OSBPL8: variants seen among roughly 807,000 people sequenced by gnomAD.
OSBPL8 encodes the protein oxysterol-binding protein-related protein 8.
In OSBPL8, 59 loss-of-function variants were observed where a neutral mutation model predicts 125.5. The observed-to-expected ratio is 0.47, with a 90% CI of 0.38 to 0.58. The LOEUF (loss-of-function observed/expected upper bound fraction) is 0.58, where lower values mean the gene tolerates loss of function less well. Ranked by LOEUF, OSBPL8 falls within the 20% of genes least tolerant of loss-of-function variation. The probability of loss-of-function intolerance (pLI) is 0.00; values close to 1 mark genes in which losing one functional copy is unlikely to be tolerated. For synonymous variants in OSBPL8, 330 were observed against 338.9 expected (o/e 0.97, Z 0.29); for missense variants, 758 against 1,047.8 (o/e 0.72, Z 3.82).
rs185697475 is a variant in OSBPL8 at position 76,537,235 on chromosome 12, C to A, written c.-68+22162G>T. On this transcript the variant is annotated intron_variant, in intron 1 of 23. Transcript: ENST00000261183. ...ATCTGCCCAAGTAACTAATCAGCTA[C>A]AACAAGAATTATTTCATAGCATACT... 6.5e-3 allele frequency among the ~76,000 whole-genome samples: 996 copies of A among 152,118 alleles called. 6 individuals carry two copies. Among genetic ancestry groups the A allele is most frequent in the Middle Eastern group, 0.037 (11 of 294 alleles).
intron 4 of OSBPL8, among the ~76,000 whole-genome samples, chr12:76,443,409 G>A (rs2136674367): frequency 6.6e-6 from 1 of 152,266 alleles, no homozygotes; most frequent in South Asian, 2.1e-4. Flanking sequence ...TTGCCCATGA[G>A]ATGAGCTATA....
chr12:76,481,982 T>C (rs1408825534), intron 2 of OSBPL8, among the ~76,000 whole-genome samples: 1 of 152,220 alleles, frequency 6.6e-6, no homozygotes. Context: ...TCACCTAGTA[T>C]GTAAAAATCA....
intron 1 of OSBPL8, among the ~76,000 whole-genome samples, chr12:76,488,488 C>G (rs557387390): frequency 6.6e-6 from 1 of 152,252 alleles, no homozygotes; most frequent in Admixed American, 6.5e-5. Context: ...GTAAGTCTAT[C>G]GGTACTTTTC....
chr12:76,548,678 A>C (rs1565989881), intron 1 of OSBPL8, among the ~76,000 whole-genome samples: 1 of 152,226 alleles, frequency 6.6e-6, no homozygotes, highest in East Asian at 1.9e-4. Flanking sequence ...ACCCTAAAAC[A>C]ATCTGCCAAG....
At chr12:76,403,314 C>G (rs1954127630) in intron 5 of OSBPL8, among the ~76,000 whole-genome samples, 1 of 152,186 alleles carries the variant, frequency 6.6e-6, no homozygotes, top group Non-Finnish European at 1.5e-5. Context: ...AGTAGGATTT[C>G]CTCACTAAAT....
At chr12:76,533,645 G>A (rs538136028) in intron 1 of OSBPL8, among the ~76,000 whole-genome samples, 9 of 152,182 alleles carry the variant, frequency 5.9e-5, no homozygotes, top group East Asian at 3.9e-4. Flanking sequence ...AAACTCAAGC[G>A]CTCAGAAATG....
intron 1 of OSBPL8, among the ~76,000 whole-genome samples, chr12:76,554,650 A>G (rs1394719392): frequency 6.6e-6 from 1 of 152,256 alleles, no homozygotes; most frequent in Non-Finnish European, 1.5e-5. Context: ...GGTATATAGC[A>G]GTTGACGCAC....
intron 1 of OSBPL8, among the ~76,000 whole-genome samples, chr12:76,497,360 T>C (rs11114262): frequency 0.041 from 6,312 of 152,272 alleles, 433 homozygotes; most frequent in African/African-American, 0.14. Flanking sequence ...TTTACAAAAA[T>C]AGGAGTAGAG....
chr12:76,355,112 A>G lies in OSBPL8; in HGVS notation c.*777T>C, dbSNP rs920292108. The stretch of plus-strand genomic sequence containing the variant: ...AACAAAAATAAGACAAAAGGACAGC[A>G]ATCAATTTTGACCACACTTTTTTCA... On this transcript the variant is annotated 3_prime_UTR_variant, in exon 24 of 24. Transcript: ENST00000261183. The G allele has an allele frequency of 5.9e-5, 9 of 152,530 alleles. No homozygotes were observed. The highest frequency in any genetic ancestry group is 1.3e-4 in the Non-Finnish European group (9 of 67,930). 9.4% of individuals were successfully genotyped at this position (152,530 alleles called of 1,614,324 possible). A position where few individuals can be genotyped will look rare whatever the true frequency, so the allele number is the denominator to read the frequency against.
chr12:76,356,766 A>C (rs774198660), intron 22 of OSBPL8, 38 bp from the exon 23 acceptor site: 4 of 1,379,082 alleles, frequency 2.9e-6, no homozygotes, highest in Non-Finnish European at 4.1e-6. Context: ...AACTATAAAA[A>C]TAATCTACAG....
chr12:76,419,431 T>C (rs1337317160), intron 4 of OSBPL8, among the ~76,000 whole-genome samples: 2 of 152,044 alleles, frequency 1.3e-5, no homozygotes, highest in Admixed American at 6.6e-5. Flanking sequence ...TACAGTAAAA[T>C]AACTGCTTAT....
rs553286117 is a variant in OSBPL8 at position 76,378,286 on chromosome 12, A to G, written c.1729+166T>C. 7.9e-5 allele frequency among the ~76,000 whole-genome samples: 12 copies of G among 152,318 alleles called. No homozygotes were observed. In the South Asian group the frequency reaches 2.3e-3, roughly 29 times the overall value. Reference sequence around the variant, plus strand: ...ACAGGTGAATTAATTCACCGCAGAAATATTCAGCAAATGATAGCAATAATC... The same window carrying G: ...ACAGGTGAATTAATTCACCGCAGAAGTATTCAGCAAATGATAGCAATAATC... On this transcript the variant is annotated intron_variant, in intron 16 of 23. Coordinates refer to ENST00000261183, the MANE Select transcript of OSBPL8 (RefSeq NM_020841.5).
chr12:76,418,948 A>G (rs921345146), intron 4 of OSBPL8, among the ~76,000 whole-genome samples: 4 of 152,002 alleles, frequency 2.6e-5, no homozygotes, highest in Admixed American at 1.3e-4. Flanking sequence ...ATAAATATAA[A>G]TATTAGGCTG....
At chr12:76,555,642 C>T (rs1409533708) in intron 1 of OSBPL8, among the ~76,000 whole-genome samples, 1 of 152,142 alleles carries the variant, frequency 6.6e-6, no homozygotes, top group Non-Finnish European at 1.5e-5. Context: ...ACTTTGTTCT[C>T]CCAACGATCA....
At chr12:76,406,710 G>A (rs1419112998) in intron 5 of OSBPL8, among the ~76,000 whole-genome samples, 6 of 152,108 alleles carry the variant, frequency 3.9e-5, no homozygotes, top group African/African-American at 7.2e-5. Context: ...CCAACTCCTG[G>A]GCTCAAGTGA....
intron 1 of OSBPL8, among the ~76,000 whole-genome samples, chr12:76,505,763 G>C (rs758552842): frequency 5.9e-5 from 9 of 152,062 alleles, no homozygotes; most frequent in Non-Finnish European, 1.2e-4. Flanking sequence ...GAATAGCAAA[G>C]AGACTACTGT....
At chr12:76,456,037 CA>C (rs1308716818) in intron 3 of OSBPL8, among the ~76,000 whole-genome samples, 25 of 152,196 alleles carry the variant, frequency 1.6e-4, no homozygotes, top group Admixed American at 1.2e-3. Context: ...ATATAATTAA[CA>C]TATCTGCTGC....
In OSBPL8 at chr12:76,415,678, A is replaced by G. The variant is rs540975220; in HGVS notation, c.218-5044T>C. Among the ~76,000 whole-genome samples the G allele has an allele frequency of 2.0e-5, 3 of 152,350 alleles. No homozygotes were observed. The South Asian group carries it at 6.2e-4, about 32-fold the overall frequency. The stretch of plus-strand genomic sequence containing the variant: ...TGAACTTTTGAGTACATCAGCATAC[A>G]AAAGTTCACAATATTCTCTTACATG... On this transcript the variant is annotated intron_variant, in intron 4 of 23. Coordinates refer to ENST00000261183, the MANE Select transcript of OSBPL8 (RefSeq NM_020841.5).
At chr12:76,386,880 A>G (rs1953334911) in intron 12 of OSBPL8, among the ~76,000 whole-genome samples, 2 of 152,114 alleles carry the variant, frequency 1.3e-5, no homozygotes, top group South Asian at 2.1e-4. Flanking sequence ...TCTTTGATAC[A>G]CTGCCTGGGT....
Sources: gnomAD v4.1 joint callset for allele counts (sites outside exome capture counted in the v4.1 genomes callset) on GRCh38, gnomAD v4.1.1 for gene constraint, MANE v1.5 for transcripts, NCBI Gene and HGNC (gene_info 2026-07-23, HGNC 2026-07-21) for gene names.